Variants in RGS12 observed in about 807,000 individuals in gnomAD.
RGS12 encodes the protein regulator of G-protein signaling 12.
Under a neutral mutation model 120.1 loss-of-function variants are expected in RGS12, and 66 were observed. The ratio of observed to expected loss-of-function variants is 0.55; its 90% CI spans 0.45 to 0.67. RGS12 has a LOEUF of 0.67. RGS12 is among the 30% of genes least tolerant of loss of function. RGS12 has a pLI of 0.00. For synonymous variants in RGS12, 827 were observed against 804.7 expected, an observed-to-expected ratio of 1.03 and a Z score of -0.47; for missense variants, 1,859 against 1,957.7, an observed-to-expected ratio of 0.95 and a Z score of 0.95.
At position 3,316,634 on chromosome 4, in the gene RGS12, G is replaced by A; in HGVS notation, c.464G>A (p.Ser155Asn). The change falls in exon 2 of 18, where the codon AGC becomes AAC. Residue 155 changes from serine to asparagine, a missense_variant. Ser to Asn is a conservative substitution (Grantham distance 46, BLOSUM62 1). Around this residue, in one of 3 missense-constraint regions of RGS12, gnomAD observed 967 missense variants for 994.2 expected, o/e 0.97. Transcript: ENST00000336727. ...TTCAATATGATTTTTGAAAACCCGA[G>A]CCTTTGTGCGAGCAATTCAGAGCCC... ...GIFNMIFENP[S>N]LCASNSEPLK... 6.2e-7 allele frequency: 1 copy of A among 1,614,110 alleles called. No homozygotes were observed. The highest frequency in any genetic ancestry group is 8.5e-7 in the Non-Finnish European group (1 of 1,180,018).
chr4:3,298,202 A>G (rs895039891), intron 1 of RGS12, among the ~76,000 whole-genome samples: 1 of 152,192 alleles, frequency 6.6e-6, no homozygotes, highest in Non-Finnish European at 1.5e-5. Flanking sequence ...GGGCCCTTTC[A>G]GTCTGAGGAT....
chr4:3,417,416 C>A lies in RGS12; in HGVS notation c.2636C>A (p.Ser879Tyr). The change falls in exon 9 of 18, where the codon TCC becomes TAC. Residue 879 changes from serine (S) to tyrosine (Y), a missense_variant. Physicochemically the swap from Ser to Tyr is moderately radical, Grantham distance 144. This residue lies in a region of RGS12 where 375 missense variants were observed against 475.0 expected (regional missense o/e 0.79). Transcript: ENST00000336727. ...AGTGGAAAATCAAAATCCGGCCGATCCCTGAATGAAGAGCTGGGGGATGAG... is the reference window on the plus strand; with the variant it reads ...AGTGGAAAATCAAAATCCGGCCGATACCTGAATGAAGAGCTGGGGGATGAG... ...KLSGKSKSGRSLNEELGDEDS... is the reference protein window; with the variant it reads ...KLSGKSKSGRYLNEELGDEDS... 1 of 1,576,962 alleles carries A rather than the reference C, an allele frequency of 6.3e-7. No individual in the cohort carries two copies.
chr4:3,307,824 A>G (rs1294729249), intron 1 of RGS12, among the ~76,000 whole-genome samples: 3 of 152,216 alleles, frequency 2.0e-5, no homozygotes, highest in African/African-American at 7.2e-5. Flanking sequence ...GCGAAATTCT[A>G]CACTCAGAAG....
At position 3,414,413 on chromosome 4, in the gene RGS12, G is replaced by A. The variant is rs1018593223; in HGVS notation, c.2190+172G>A. On this transcript the variant is annotated intron_variant, in intron 5 of 17. Transcript: ENST00000336727. ...CCCTCTCAAGAGCTCAGAGGAGGGT[G>A]GGTTGAATCCTGCCCCTGGTTCTGC... 10 of 749,538 alleles carry A rather than the reference G, an allele frequency of 1.3e-5. No individual in the cohort carries two copies. In the African/African-American group the frequency reaches 1.4e-4, roughly 11 times the overall value. The allele number at this position is 749,538 out of a possible 1,614,324, so 46.4% of individuals were successfully genotyped here.
intron 1 of RGS12, among the ~76,000 whole-genome samples, chr4:3,301,277 G>A (rs191722659): frequency 6.6e-6 from 1 of 152,344 alleles, no homozygotes; most frequent in Admixed American, 6.5e-5. Context: ...AACACGCTTG[G>A]TGCTGAAGAG....
chr4:3,295,049 C>T lies in RGS12; in HGVS notation c.-102+1950C>T, dbSNP rs150470477. Among the ~76,000 whole-genome samples, 11 of 152,192 alleles carry T rather than the reference C, an allele frequency of 7.2e-5. No individual in the cohort carries two copies. The East Asian group carries it at 2.1e-3, about 29-fold the overall frequency. On this transcript the variant is annotated intron_variant, in intron 1 of 17. Transcript: ENST00000336727. The stretch of plus-strand genomic sequence containing the variant: ...GAATCCAGGGTCAAGGGCTGGCTCC[C>T]TTTCTGCCCTGTTTAGGATGAGGGT...
chr4:3,335,452 C>T (rs1302745344), intron 2 of RGS12, among the ~76,000 whole-genome samples: 1 of 152,204 alleles, frequency 6.6e-6, no homozygotes. Context: ...TAAGCCCACC[C>T]TCTATGACAC....
chr4:3,316,873 T>G lies in RGS12; in HGVS notation c.703T>G (p.Leu235Val), dbSNP rs1018428021. 113 of 1,614,050 alleles carry G rather than the reference T, an allele frequency of 7.0e-5. No homozygotes were observed. The highest frequency in any genetic ancestry group is 9.2e-5 in the Non-Finnish European group (109 of 1,180,060). Residue 235 changes from leucine to valine, a missense_variant, in exon 2 of 18, where the codon TTA becomes GTA. Physicochemically the swap from Leu to Val is conservative, Grantham distance 32. Around this residue, in one of 3 missense-constraint regions of RGS12, gnomAD observed 967 missense variants for 994.2 expected, o/e 0.97. Coordinates refer to ENST00000336727, the MANE Select transcript of RGS12 (RefSeq NM_001394154.1). ...ILNVAMIVGY[L>V]GSIELPSTSS... is the part of the protein sequence containing the mutation. Reference sequence around the variant, plus strand: ...AAACGTGGCGATGATCGTGGGCTACTTAGGCTCCATTGAGCTTCCTTCCAC... The same window carrying G: ...AAACGTGGCGATGATCGTGGGCTACGTAGGCTCCATTGAGCTTCCTTCCAC...
intron 3 of RGS12, among the ~76,000 whole-genome samples, chr4:3,361,284 T>A (rs1251370965): frequency 6.6e-6 from 1 of 152,232 alleles, no homozygotes; most frequent in Non-Finnish European, 1.5e-5. Context: ...ATGGTTCTGC[T>A]TTTCATTGTG....
chr4:3,422,501 G>T lies in RGS12; in HGVS notation c.2964G>T (p.Leu988=). ...CGGGCTTCTCCATCAAAGACATCCTGTCCGGACTCTGTGAGCGGCATGGCA... is the reference window on the plus strand; with the variant it reads ...CGGGCTTCTCCATCAAAGACATCCTTTCCGGACTCTGTGAGCGGCATGGCA... ...VKAGFSIKDI[L]SGLCERHGIN... Residue 988 remains leucine, a synonymous_variant, in exon 11 of 18, where the codon CTG becomes CTT. Coordinates refer to ENST00000336727, the MANE Select transcript of RGS12 (RefSeq NM_001394154.1). 1.2e-6 allele frequency: 2 copies of T among 1,613,004 alleles called. No individual in the cohort carries two copies. The highest frequency in any genetic ancestry group is 1.7e-6 in the Non-Finnish European group (2 of 1,179,980).
intron 2 of RGS12, among the ~76,000 whole-genome samples, chr4:3,332,826 T>G (rs1712010468): frequency 6.6e-6 from 1 of 152,230 alleles, no homozygotes; most frequent in Admixed American, 6.5e-5. Flanking sequence ...TTGTGTCTTT[T>G]ATATATGTAT....
At chr4:3,347,140 C>G (rs934768294) in intron 3 of RGS12, among the ~76,000 whole-genome samples, 1 of 152,108 alleles carries the variant, frequency 6.6e-6, no homozygotes, top group Non-Finnish European at 1.5e-5. Flanking sequence ...AAGTTATAAA[C>G]AGTTTAAGAA....
intron 13 of RGS12, 74 bp from the exon 14 acceptor site, chr4:3,425,390 C>T (rs543526037): frequency 1.8e-5 from 23 of 1,308,088 alleles, no homozygotes; most frequent in African/African-American, 1.6e-4. Context: ...GTCATGCAGT[C>T]GGGTGGGATC....
intron 17 of RGS12, chr4:3,431,803 G>A: frequency 2.0e-6 from 2 of 985,762 alleles, no homozygotes; most frequent in East Asian, 1.1e-4. Context: ...TGGGGGCGAT[G>A]GGAGCGCCTC....
At chr4:3,388,731 C>T (rs767881597) in intron 4 of RGS12, among the ~76,000 whole-genome samples, 30 of 152,348 alleles carry the variant, frequency 2.0e-4, no homozygotes, top group Middle Eastern at 3.4e-3. Flanking sequence ...CTGCCCTCCA[C>T]GGCAGTGACA....
intron 17 of RGS12, among the ~76,000 whole-genome samples, chr4:3,432,600 G>C (rs1303481557): frequency 6.6e-6 from 1 of 152,242 alleles, no homozygotes; most frequent in Non-Finnish European, 1.5e-5. Context: ...CACAGAGGTG[G>C]TTTACAGCGC....
chr4:3,436,124 C>A (rs971205624), intron 17 of RGS12, among the ~76,000 whole-genome samples: 1 of 147,872 alleles, frequency 6.8e-6, no homozygotes, highest in African/African-American at 2.4e-5. Context: ...GACAGGGGGA[C>A]CTTGGGGGGG....
At position 3,317,898 on chromosome 4, in the gene RGS12, G is replaced by C. The variant is rs1165773874; in HGVS notation, c.1728G>C (p.Met576Ile). The C allele has an allele frequency of 6.2e-7, 1 of 1,614,042 alleles. No homozygotes were observed. Among genetic ancestry groups the C allele is most frequent in the Non-Finnish European group, 8.5e-7 (1 of 1,180,000 alleles). ...ACTGCGGCACACTGCCCCCTCCTAT[G>C]AGCAAGATCCCCGCAGACCGCTACA... Reference protein sequence around the residue: ...SINCGTLPPPMSKIPADRYRV... With the variant: ...SINCGTLPPPISKIPADRYRV... Residue 576 changes from methionine to isoleucine, a missense_variant, in exon 2 of 18, where the codon ATG (methionine) becomes ATC (isoleucine). By Grantham distance (10) the Met-to-Ile change is conservative. This residue lies in a region of RGS12 where 967 missense variants were observed against 994.2 expected (regional missense o/e 0.97). Coordinates refer to ENST00000336727, the MANE Select transcript of RGS12 (RefSeq NM_001394154.1).
intron 4 of RGS12, among the ~76,000 whole-genome samples, chr4:3,398,809 G>A (rs994299344): frequency 6.6e-6 from 1 of 151,832 alleles, no homozygotes; most frequent in African/African-American, 2.4e-5. Context: ...CAGACACATA[G>A]AGAGCTTTGT....
Sources: gnomAD v4.1 joint callset for allele counts (sites outside exome capture counted in the v4.1 genomes callset) on GRCh38, gnomAD v4.1.1 for gene constraint, gnomAD v4.1.1 regional missense constraint, MANE v1.5 for transcripts, NCBI Gene and HGNC (gene_info 2026-07-23, HGNC 2026-07-21) for gene names.